The following LYST variants were observed in gnomAD, a reference collection of about 807,000 sequenced individuals.
LYST encodes lysosomal-trafficking regulator.
LYST carries 192 observed loss-of-function variants against 413.6 expected under a neutral mutation model. The observed-to-expected ratio is 0.46, with a 90% CI of 0.41 to 0.52. The LOEUF is 0.52. Among genes scored for constraint, LYST ranks in the 20% least tolerant of loss-of-function variants. The pLI is 0.00. For missense variants in LYST, 3,815 were observed against 4,499.9 expected (o/e 0.85, Z 4.35); for synonymous variants, 1,525 against 1,567.3 (o/e 0.97, Z 0.64).
chr1:235,665,364 C>G (rs1341759453), intron 50 of LYST, among the ~76,000 whole-genome samples: 1 of 151,922 alleles, frequency 6.6e-6, no homozygotes, highest in Non-Finnish European at 1.5e-5. Context: ...AATCCCAGCA[C>G]TTTTGGAGGC....
At chr1:235,863,236 C>T (rs560137439) in intron 1 of LYST, among the ~76,000 whole-genome samples, 3 of 151,492 alleles carry the variant, frequency 2.0e-5, no homozygotes, top group East Asian at 3.9e-4. Context: ...GCTAAAAACA[C>T]AAAAAATCAG....
At chr1:235,848,588 G>C (rs959583660) in intron 1 of LYST, among the ~76,000 whole-genome samples, 8 of 152,028 alleles carry the variant, frequency 5.3e-5, no homozygotes, top group African/African-American at 1.9e-4. Context: ...GAAACAAAAA[G>C]CTGGTTCTTT....
chr1:235,771,603 T>A (rs60326475), intron 19 of LYST, among the ~76,000 whole-genome samples: 2 of 152,134 alleles, frequency 1.3e-5, no homozygotes, highest in East Asian at 3.8e-4. Context: ...CTTATCTTTT[T>A]TTTTTAGATC....
At position 235,806,495 on chromosome 1, in the gene LYST, C is replaced by G. The variant is rs147554343; in HGVS notation, c.2641G>C (p.Ala881Pro). 3.1e-6 allele frequency: 5 copies of G among 1,613,934 alleles called. No homozygotes were observed. Among genetic ancestry groups the G allele is most frequent in the Non-Finnish European group, 2.5e-6 (3 of 1,179,996 alleles). ...ACAGTCTTCCGTCTCTTTGGATAAG[C>G]TTCTTTGAGGCCAGCATAAAATTTG... ...LSKFYAGLKE[A>P]YPKRRKTVNQ... Residue 881 changes from alanine to proline, a missense_variant, in exon 6 of 53, where the codon GCT (alanine) becomes CCT (proline). Physicochemically the swap from Ala to Pro is conservative, Grantham distance 27 (BLOSUM62 -1). Transcript: ENST00000389793.
At chr1:235,875,052 G>A (rs981399594) in intron 1 of LYST, among the ~76,000 whole-genome samples, 1 of 152,148 alleles carries the variant, frequency 6.6e-6, no homozygotes. Context: ...CACGATCCCC[G>A]GGTGATTTAT....
At chr1:235,798,899 T>A (rs1042777600) in intron 10 of LYST, among the ~76,000 whole-genome samples, 2 of 151,988 alleles carry the variant, frequency 1.3e-5, no homozygotes. Flanking sequence ...GTGATGAAAA[T>A]GTTCTAAAAT....
At chr1:235,739,203 T>TG (rs1005325928) in intron 31 of LYST, among the ~76,000 whole-genome samples, 6 of 152,236 alleles carry the variant, frequency 3.9e-5, no homozygotes, top group African/African-American at 1.4e-4. Flanking sequence ...AGCTATAACT[T>TG]GTAGTACCAT....
chr1:235,770,887 A>C (rs1164893075), intron 19 of LYST, among the ~76,000 whole-genome samples: 1 of 152,198 alleles, frequency 6.6e-6, no homozygotes, highest in Non-Finnish European at 1.5e-5. Context: ...CCCATATTGA[A>C]TCAATCTTAA....
At chr1:235,675,900 G>A (rs1254018488) in intron 50 of LYST, among the ~76,000 whole-genome samples, 2 of 152,090 alleles carry the variant, frequency 1.3e-5, no homozygotes, top group African/African-American at 4.8e-5. Context: ...TACATTTTGT[G>A]TTAGAAAAAA....
At chr1:235,777,875 T>A (rs907129306) in intron 16 of LYST, among the ~76,000 whole-genome samples, 3 of 152,032 alleles carry the variant, frequency 2.0e-5, no homozygotes, top group Admixed American at 2.0e-4. Context: ...TGGCTCCCTG[T>A]CAAGATTCTC....
chr1:235,799,554 G>A (rs1319237343), intron 10 of LYST, among the ~76,000 whole-genome samples: 1 of 152,108 alleles, frequency 6.6e-6, no homozygotes, highest in Non-Finnish European at 1.5e-5. Context: ...ATTTAATCAT[G>A]AGAAAACATC....
In LYST at chr1:235,686,915, T is replaced by A. The variant is rs376860269; in HGVS notation, c.10800+34A>T. On this transcript the variant is annotated intron_variant, in intron 48 of 52. Coordinates refer to ENST00000389793, the MANE Select transcript of LYST (RefSeq NM_000081.4). The surrounding 1 kb of genome is among the most constrained non-coding windows in gnomAD (Gnocchi z 4.0). ...GGCTTTCTTCCCCTCATTGACAAAG[T>A]CCCATACTACCCACACAGAAGCCCA... The A allele has an allele frequency of 4.0e-6, 6 of 1,484,636 alleles. No homozygotes were observed. The East Asian group carries it at 6.8e-5, about 17-fold the overall frequency. The allele number at this position is 1,484,636 out of a possible 1,614,324, so 92.0% of individuals were successfully genotyped here.
intron 12 of LYST, among the ~76,000 whole-genome samples, chr1:235,790,847 T>G (rs1670904554): frequency 2.0e-5 from 3 of 152,184 alleles, no homozygotes; most frequent in South Asian, 4.1e-4. Context: ...GGAGAATGGC[T>G]GATGCATTTA....
rs1048960877 is a variant in LYST, at chr1:235,712,505, G to A, written c.9785-308C>T. 7 of 731,088 alleles carry A rather than the reference G, an allele frequency of 9.6e-6. No individual in the cohort carries two copies. In the East Asian group the frequency reaches 7.3e-4, roughly 77 times the overall value. 45.3% of individuals were successfully genotyped at this position (731,088 alleles called of 1,614,324 possible). On this transcript the variant is annotated intron_variant, in intron 42 of 52. Coordinates refer to ENST00000389793, the MANE Select transcript of LYST (RefSeq NM_000081.4). ...AAAGTTCCACAAAAACAGGGCCCTG[G>A]GATATCACCCACACCTTGCACATAA...
At position 235,720,889 on chromosome 1, in the gene LYST, T is replaced by C. The variant is rs886046171; in HGVS notation, c.9332A>G (p.Tyr3111Cys). Residue 3111 changes from tyrosine to cysteine, a missense_variant, in exon 40 of 53, where the codon TAC becomes TGC. Tyr to Cys is a radical substitution (Grantham distance 194). This residue lies in a region of LYST where 866 missense variants were observed against 1,156.0 expected (regional missense o/e 0.75). Transcript: ENST00000389793. ...GAGGTTATTTGTGAGTATATTGTGG[T>C]ATACATCATCACGAACCTAAAAGGG... ...FDNTKVRDDVYHNILTNNLPN... is the reference protein window; with the variant it reads ...FDNTKVRDDVCHNILTNNLPN... 6.8e-6 allele frequency: 11 copies of C among 1,613,604 alleles called. No homozygotes were observed. The highest frequency in any genetic ancestry group is 1.3e-5 in the African/African-American group (1 of 74,916).
chr1:235,826,903 G>A (rs1449175208), intron 3 of LYST, among the ~76,000 whole-genome samples: 2 of 151,834 alleles, frequency 1.3e-5, no homozygotes, highest in Non-Finnish European at 2.9e-5. Flanking sequence ...GGCTGGTCTC[G>A]AACTCCAGGC....
At chr1:235,705,249 A>T (rs966716389) in intron 44 of LYST, among the ~76,000 whole-genome samples, 1 of 152,220 alleles carries the variant, frequency 6.6e-6, no homozygotes, top group African/African-American at 2.4e-5. Context: ...GTTTTGCCCC[A>T]TTAAATAAGT....
chr1:235,662,609 C>T lies in LYST; in HGVS notation c.*331G>A, dbSNP rs1658122213. ...TAAATTCTACTGGTCCTTTTGGAAT[C>T]ATAGAAAAAGGGGAGACCTTAATAT... On this transcript the variant is annotated 3_prime_UTR_variant, in exon 53 of 53. Coordinates refer to ENST00000389793, the MANE Select transcript of LYST (RefSeq NM_000081.4). 2.9e-6 allele frequency: 1 copy of T among 347,418 alleles called. No individual in the cohort carries two copies. Among genetic ancestry groups the T allele is most frequent in the South Asian group, 2.6e-5 (1 of 38,958 alleles). The allele number at this position is 347,418 out of a possible 1,614,324, so 21.5% of individuals were successfully genotyped here.
At chr1:235,756,039 ATAT>A (rs1667017008) in intron 24 of LYST, among the ~76,000 whole-genome samples, 1 of 145,474 alleles carries the variant, frequency 6.9e-6, no homozygotes, top group African/African-American at 2.5e-5. Flanking sequence ...ATCTATATCT[ATAT>A]CTATATCTAT....
Sources: allele counts gnomAD v4.1 joint callset (sites outside exome capture counted in the v4.1 genomes callset), GRCh38; gene constraint gnomAD v4.1.1; regional missense constraint gnomAD v4.1.1; non-coding constraint Gnocchi (gnomAD v3.1); transcripts MANE v1.5; gene names NCBI Gene and HGNC (gene_info 2026-07-23, HGNC 2026-07-21).